Variants in A1CF observed in about 807,000 individuals in gnomAD.
A1CF encodes the protein APOBEC1 complementation factor, also known as APOBEC-1 stimulating protein.
Under a neutral mutation model 68.9 loss-of-function variants are expected in A1CF, and 48 were observed. The ratio of observed to expected loss-of-function variants is 0.70; its 90% CI spans 0.55 to 0.89. The LOEUF is 0.89. A1CF is among the 40% of genes least tolerant of loss of function. A1CF has a pLI of 0.00. For missense variants in A1CF, 653 were observed against 718.9 expected (o/e 0.91, Z 1.05); for synonymous variants, 272 against 260.4 (o/e 1.04, Z -0.43).
rs979421744 is a variant in A1CF at position 50,802,726 on chromosome 10, G to C, written c.*4003C>G. 1 of 152,104 alleles carries C rather than the reference G, an allele frequency of 6.6e-6. No individual in the cohort carries two copies. Among genetic ancestry groups the C allele is most frequent in the Non-Finnish European group, 1.5e-5 (1 of 68,024 alleles). 9.4% of individuals were successfully genotyped at this position (152,104 alleles called of 1,614,324 possible). A position where few individuals can be genotyped will look rare whatever the true frequency, so the allele number is the denominator to read the frequency against. ...ATAATATACTTTATCAAACTTCATA[G>C]GTTAGAATGCAATGAAAATTTACCC... On this transcript the variant is annotated 3_prime_UTR_variant, in exon 13 of 13. Coordinates refer to ENST00000373997, the MANE Select transcript of A1CF (RefSeq NM_014576.4).
intron 1 of A1CF, among the ~76,000 whole-genome samples, chr10:50,881,257 C>T (rs149619128): frequency 5.3e-5 from 8 of 152,134 alleles, no homozygotes; most frequent in South Asian, 2.1e-4. Flanking sequence ...CCATAGTGTT[C>T]GAATTACAGG....
At chr10:50,868,848 A>T (rs1841116312) in intron 1 of A1CF, among the ~76,000 whole-genome samples, 1 of 152,198 alleles carries the variant, frequency 6.6e-6, no homozygotes, top group Non-Finnish European at 1.5e-5. Context: ...AAATGTAAGC[A>T]TCTTTAAAAT....
intron 8 of A1CF, 46 bp from the exon 9 acceptor site, chr10:50,816,325 T>A (rs781390738): frequency 1.4e-5 from 23 of 1,591,074 alleles, no homozygotes; most frequent in Non-Finnish European, 2.0e-5. Context: ...GATATGAAGA[T>A]AACCAAGTGT....
At chr10:50,823,778 C>T (rs1446485234) in intron 7 of A1CF, among the ~76,000 whole-genome samples, 1 of 151,976 alleles carries the variant, frequency 6.6e-6, no homozygotes, top group Non-Finnish European at 1.5e-5. Context: ...AATTTTTGTT[C>T]TAATTATCTT....
At chr10:50,883,267 C>T (rs1453554351) in intron 1 of A1CF, among the ~76,000 whole-genome samples, 4 of 152,070 alleles carry the variant, frequency 2.6e-5, no homozygotes, top group South Asian at 4.2e-4. Flanking sequence ...GTACCGGGGA[C>T]CACATTTCTC....
intron 7 of A1CF, among the ~76,000 whole-genome samples, chr10:50,825,949 G>T (rs976019468): frequency 6.6e-6 from 1 of 152,084 alleles, no homozygotes; most frequent in African/African-American, 2.4e-5. Flanking sequence ...GGTTGCTACT[G>T]GTATCTAACA....
intron 8 of A1CF, among the ~76,000 whole-genome samples, chr10:50,820,303 A>T (rs997176088): frequency 6.6e-6 from 1 of 152,196 alleles, no homozygotes; most frequent in Admixed American, 6.5e-5. Context: ...TCCTCTTTCC[A>T]TGGAAATTGA....
In A1CF at chr10:50,807,411, G is replaced by C. The variant is rs140814364; in HGVS notation, c.1610-531C>G. On this transcript the variant is annotated intron_variant, in intron 12 of 12. Coordinates refer to ENST00000373997, the MANE Select transcript of A1CF (RefSeq NM_014576.4). ...AGATCAGTAGGAGAAATACTGTAAAGGTTAAGTGTGCTTTTCCATAATACC... is the reference window on the plus strand; with the variant it reads ...AGATCAGTAGGAGAAATACTGTAAACGTTAAGTGTGCTTTTCCATAATACC... Among the ~76,000 whole-genome samples the C allele has an allele frequency of 6.0e-3, 918 of 152,212 alleles. 8 individuals are homozygous for C. Among genetic ancestry groups the C allele is most frequent in the African/African-American group, 0.021 (866 of 41,538 alleles).
chr10:50,863,670 A>G (rs995163407), intron 2 of A1CF, among the ~76,000 whole-genome samples: 9 of 152,160 alleles, frequency 5.9e-5, no homozygotes, highest in Admixed American at 5.2e-4. Context: ...TAAGTAGAAT[A>G]CAAAAAGTGG....
intron 1 of A1CF, among the ~76,000 whole-genome samples, chr10:50,882,830 C>T (rs1277726077): frequency 6.6e-6 from 1 of 152,154 alleles, no homozygotes; most frequent in Non-Finnish European, 1.5e-5. Flanking sequence ...CACAGTACTA[C>T]TCAGCTTTCT....
chr10:50,808,897 T>C (rs372237010), intron 12 of A1CF, among the ~76,000 whole-genome samples: 2 of 152,158 alleles, frequency 1.3e-5, no homozygotes, highest in South Asian at 2.1e-4. Context: ...AATTAATCAA[T>C]AAGAATATCA....
chr10:50,877,777 C>G (rs1374945710), intron 1 of A1CF, among the ~76,000 whole-genome samples: 2 of 152,174 alleles, frequency 1.3e-5, no homozygotes, highest in African/African-American at 4.8e-5. Context: ...AAATCATTCT[C>G]TACTAATTTA....
At chr10:50,828,660 G>A (rs1222623638) in intron 6 of A1CF, among the ~76,000 whole-genome samples, 1 of 152,010 alleles carries the variant, frequency 6.6e-6, no homozygotes, top group Non-Finnish European at 1.5e-5. Context: ...ATGGATTTAG[G>A]GCCCAGATAT....
At chr10:50,842,630 G>T (rs937303035) in intron 4 of A1CF, among the ~76,000 whole-genome samples, 4 of 152,146 alleles carry the variant, frequency 2.6e-5, no homozygotes, top group African/African-American at 7.2e-5. Context: ...GCAATTTTTT[G>T]ATGTATATGT....
chr10:50,868,222 A>G (rs570224863), intron 1 of A1CF, among the ~76,000 whole-genome samples: 8 of 152,312 alleles, frequency 5.3e-5, no homozygotes, highest in Admixed American at 1.3e-4. Context: ...TCTCCTGGGA[A>G]TTTTACGTGA....
intron 3 of A1CF, among the ~76,000 whole-genome samples, chr10:50,845,104 A>G (rs181927485): frequency 6.6e-6 from 1 of 152,286 alleles, no homozygotes; most frequent in African/African-American, 2.4e-5. Context: ...TGAGTCTTCT[A>G]CTTTGCCTGG....
intron 3 of A1CF, among the ~76,000 whole-genome samples, chr10:50,849,786 CTTTTTTT>C (rs71949925): frequency 3.6e-5 from 3 of 83,660 alleles, no homozygotes; most frequent in African/African-American, 1.4e-4. Context: ...TTAATGAATT[CTTTTTTT>C]TTTTTTTTTT....
Position 50,805,241 on chromosome 10 carries a change from A to AT in A1CF, c.*1487dup, listed in dbSNP as rs1461360411. On this transcript the variant is annotated 3_prime_UTR_variant, in exon 13 of 13. Transcript: ENST00000373997. Reference sequence around the variant, plus strand: ...TTATGTTTTCCTTTGTGTTCTGTAAATTTTTTTAAGGGCCAAGGGATTTTA... The same window carrying AT: ...TTATGTTTTCCTTTGTGTTCTGTAAATTTTTTTTAAGGGCCAAGGGATTTTA... 1 of 152,134 alleles carries AT rather than the reference A, an allele frequency of 6.6e-6. No homozygotes were observed. The highest frequency in any genetic ancestry group is 1.5e-5 in the Non-Finnish European group (1 of 68,020). 9.4% of individuals were successfully genotyped at this position (152,134 alleles called of 1,614,324 possible). A position where few individuals can be genotyped will look rare whatever the true frequency, so the allele number is the denominator to read the frequency against.
intron 2 of A1CF, among the ~76,000 whole-genome samples, chr10:50,861,626 A>G (rs2132535136): frequency 6.8e-6 from 1 of 148,054 alleles, no homozygotes; most frequent in South Asian, 2.1e-4. Context: ...TAACACTAGT[A>G]TTACTAATTG....
Sources: allele counts gnomAD v4.1 joint callset (sites outside exome capture counted in the v4.1 genomes callset), GRCh38; gene constraint gnomAD v4.1.1; transcripts MANE v1.5; gene names NCBI Gene and HGNC (gene_info 2026-07-23, HGNC 2026-07-21).